Variants in LONP1 observed in about 807,000 individuals in gnomAD.
The protein encoded by LONP1 is lon protease homolog, mitochondrial.
LONP1 carries 31 observed loss-of-function variants against 98.5 expected under a neutral mutation model. The ratio of observed to expected loss-of-function variants is 0.31; its 90% CI spans 0.24 to 0.42. The LOEUF (loss-of-function observed/expected upper bound fraction) is 0.42. Among genes scored for constraint, LONP1 ranks in the 20% least tolerant of loss-of-function variants. The pLI is 1.00. For synonymous variants in LONP1, 781 were observed against 594.7 expected (o/e 1.31, Z -4.56); for missense variants, 1,336 against 1,350.6 (o/e 0.99, Z 0.17).
rs532603725 is a variant in LONP1 at position 5,712,629 on chromosome 19, T to C, written c.638+505A>G. Among the ~76,000 whole-genome samples the C allele has an allele frequency of 3.9e-5, 6 of 152,200 alleles. No individual in the cohort carries two copies. The East Asian group carries it at 9.7e-4, about 25-fold the overall frequency. On this transcript the variant is annotated intron_variant, in intron 3 of 17. Coordinates refer to ENST00000360614, the MANE Select transcript of LONP1 (RefSeq NM_004793.4). ...CTCCTGCCTCAGCCTCCCAAGTAGC[T>C]GGGACTACAGGAACACGCCGTCACA... is the stretch of plus-strand genomic sequence containing the variant.
chr19:5,699,339 G>A (rs1599455573), intron 9 of LONP1, 134 bp from the exon 10 acceptor site: 2 of 593,094 alleles, frequency 3.4e-6, no homozygotes, highest in Non-Finnish European at 5.2e-6. Flanking sequence ...CCGGGAGGCT[G>A]AGCACATCAG....
rs199803800 is a variant in LONP1 at position 5,713,158 on chromosome 19, C to A, written c.614G>T (p.Arg205Leu). 1.9e-6 allele frequency: 3 copies of A among 1,614,058 alleles called. No individual in the cohort carries two copies. Among genetic ancestry groups the A allele is most frequent in the Non-Finnish European group, 2.5e-6 (3 of 1,180,032 alleles). The stretch of plus-strand genomic sequence containing the variant: ...CCTTCTGTGTCCCATGACGATCATG[C>A]GCAGCTTGTCCCCAAGGTCCTGCAT... ...HEMQDLGDKL[R>L]MIVMGHRRVH... Residue 205 changes from arginine (R) to leucine (L), a missense_variant, in exon 3 of 18, where the codon CGC becomes CTC. Physicochemically the swap from Arg to Leu is moderately radical, Grantham distance 102 (BLOSUM62 -2). Around this residue, in one of 5 missense-constraint regions of LONP1, gnomAD observed 457 missense variants for 403.1 expected, o/e 1.13. Transcript: ENST00000360614.
At chr19:5,709,310 G>A (rs1468871165) in intron 4 of LONP1, among the ~76,000 whole-genome samples, 1 of 149,048 alleles carries the variant, frequency 6.7e-6, no homozygotes. Context: ...CCAACACGGT[G>A]AAACCCCATC....
rs1323161236 is a variant in LONP1, at chr19:5,699,032, G to A, written c.1680C>T (p.Gly560=). ...GGMTDVAEIK[G]HRRTYVGAMP... ...AGCTGTCAGGCCAGGCCTACCTGTG[G>A]CCCTTGATCTCAGCCACGTCAGTCA... Residue 560 remains glycine, a synonymous_variant, in exon 10 of 18, where the codon GGC becomes GGT. Transcript: ENST00000360614. 4 of 1,606,356 alleles carry A rather than the reference G, an allele frequency of 2.5e-6. No individual in the cohort carries two copies. The highest frequency in any genetic ancestry group is 3.4e-5 in the Admixed American group (2 of 59,544).
intron 11 of LONP1, 143 bp from the exon 12 acceptor site, chr19:5,696,514 T>G (rs919156530): frequency 9.1e-6 from 12 of 1,315,574 alleles, no homozygotes; most frequent in Non-Finnish European, 1.3e-5. Context: ...CTGCTGGGCG[T>G]GGCTGTGGGT....
chr19:5,694,265 C>A (rs2054883651), intron 15 of LONP1, 122 bp downstream of exon 15: 3 of 1,327,574 alleles, frequency 2.3e-6, no homozygotes, highest in Admixed American at 4.4e-5. Flanking sequence ...AGCACACCAC[C>A]CCCCGCCAGA....
At position 5,693,357 on chromosome 19, in the gene LONP1, C is replaced by T; in HGVS notation, c.2644G>A (p.Glu882Lys). The T allele has an allele frequency of 1.2e-6, 2 of 1,613,446 alleles. No individual in the cohort carries two copies. The highest frequency in any genetic ancestry group is 1.7e-6 in the Non-Finnish European group (2 of 1,179,870). The change falls in exon 17 of 18, where the codon GAA (glutamate) becomes AAA (lysine). Residue 882 changes from glutamate (E) to lysine (K), a missense_variant. Glu to Lys is a moderately conservative substitution (Grantham distance 56, BLOSUM62 1). Around this residue, in one of 5 missense-constraint regions of LONP1, gnomAD observed 555 missense variants for 542.6 expected, o/e 1.02. Transcript: ENST00000360614. Reference sequence around the variant, plus strand: ...AGGATCTTGCCCGTGAGGGAGACTTCGCCAGTCATGGCCAGATTCTGCCGG... The same window carrying T: ...AGGATCTTGCCCGTGAGGGAGACTTTGCCAGTCATGGCCAGATTCTGCCGG... The part of the protein sequence containing the change: ...PVRQNLAMTG[E>K]VSLTGKILPV...
chr19:5,710,065 C>G (rs559821257), intron 4 of LONP1, among the ~76,000 whole-genome samples: 2 of 151,160 alleles, frequency 1.3e-5, no homozygotes, highest in South Asian at 4.2e-4. Flanking sequence ...ACAGTGTAGC[C>G]GCTGGTGGCT....
Position 5,696,064 on chromosome 19 carries a change from G to A in LONP1, c.2003C>T (p.Ala668Val), listed in dbSNP as rs1404636696. ...AGGGGCTGGGCTTACCTCCGCAATG[G>A]CCAGCTTCTCCTGGGCCACGTAGCC... The part of the protein sequence containing the change: ...VSGYVAQEKL[A>V]IAERYLVPQA... The change falls in exon 13 of 18, where the codon GCC becomes GTC. Residue 668 changes from alanine (A) to valine (V), a missense_variant. Physicochemically the swap from Ala to Val is moderately conservative, Grantham distance 64. Around this residue, in one of 5 missense-constraint regions of LONP1, gnomAD observed 555 missense variants for 542.6 expected, o/e 1.02. Transcript: ENST00000360614. 3 of 1,612,240 alleles carry A rather than the reference G, an allele frequency of 1.9e-6. No homozygotes were observed. The highest frequency in any genetic ancestry group is 2.5e-6 in the Non-Finnish European group (3 of 1,179,744).
chr19:5,716,264 A>ATATATATAT (rs2055319275), intron 1 of LONP1, among the ~76,000 whole-genome samples: 1 of 27,508 alleles, frequency 3.6e-5, no homozygotes, highest in African/African-American at 1.6e-4. Context: ...ATATACATAT[A>ATATATATAT]TATATATATA....
intron 1 of LONP1, chr19:5,717,450 T>G (rs1057148077): frequency 2.0e-5 from 3 of 152,174 alleles, no homozygotes; most frequent in Non-Finnish European, 4.4e-5. Context: ...GTCTCCCAAA[T>G]ACTATCTGCA....
chr19:5,695,634 C>A (rs899421249), intron 13 of LONP1, among the ~76,000 whole-genome samples: 9 of 152,214 alleles, frequency 5.9e-5, no homozygotes, highest in Admixed American at 2.0e-4. Context: ...GAAAAAAAAA[C>A]ACATGAGAAA....
chr19:5,703,172 C>T (rs551375714), intron 8 of LONP1, among the ~76,000 whole-genome samples: 300 of 140,726 alleles, frequency 2.1e-3, no homozygotes, highest in Non-Finnish European at 4.1e-3. Context: ...CAGAGTGAGA[C>T]TCCATCTCAA....
chr19:5,699,555 GTTTTTT>G (rs35759031), intron 9 of LONP1, among the ~76,000 whole-genome samples: 3 of 118,556 alleles, frequency 2.5e-5, no homozygotes, highest in Non-Finnish European at 5.2e-5. Context: ...TCTGGCTCCT[GTTTTTT>G]TTTTTTTTTT....
chr19:5,699,120 C>A lies in LONP1; in HGVS notation c.1592G>T (p.Ser531Ile). The change falls in exon 10 of 18, where the codon AGC becomes ATC. Residue 531 changes from serine (S) to isoleucine (I), a missense_variant. Physicochemically the swap from Ser to Ile is moderately radical, Grantham distance 142. Transcript: ENST00000360614. ...GGCGCGGGCGATGGAGCGAGCAATGCTGGTCTTACCCACGCCAGGGGGGCC... is the reference window on the plus strand; with the variant it reads ...GGCGCGGGCGATGGAGCGAGCAATGATGGTCTTACCCACGCCAGGGGGGCC... ...FYGPPGVGKT[S>I]IARSIARALN... The A allele has an allele frequency of 6.3e-7, 1 of 1,588,586 alleles. No homozygotes were observed.
intron 11 of LONP1, 137 bp downstream of exon 11, chr19:5,696,533 C>G (rs753484969): frequency 3.9e-6 from 5 of 1,275,218 alleles, no homozygotes; most frequent in South Asian, 2.8e-5. Flanking sequence ...GTGGGAGGGA[C>G]CCGTCCGTGC....
chr19:5,712,868 C>T (rs373620329), intron 3 of LONP1, among the ~76,000 whole-genome samples: 2 of 151,992 alleles, frequency 1.3e-5, no homozygotes, highest in African/African-American at 2.4e-5. Flanking sequence ...CGGGCTCAAG[C>T]GATCCAATTG....
Position 5,707,982 on chromosome 19 carries a change from CCA to C in LONP1, c.933-158_933-157del. On this transcript the variant is annotated intron_variant, in intron 5 of 17. Transcript: ENST00000360614. Reference sequence around the variant, plus strand: ...GGGAGCCAGCTCTGCTGCTTGTTCTCCAGAGTTCAGGGCCCACCCGTCCTGGG... The same window carrying C: ...GGGAGCCAGCTCTGCTGCTTGTTCTCGAGTTCAGGGCCCACCCGTCCTGGG... The C allele has an allele frequency of 3.5e-6, 3 of 860,392 alleles. No individual in the cohort carries two copies. The East Asian group carries it at 8.0e-5, about 23-fold the overall frequency. The allele number at this position is 860,392 out of a possible 1,614,324, so 53.3% of individuals were successfully genotyped here. A position where few individuals can be genotyped will look rare whatever the true frequency, so the allele number is the denominator to read the frequency against.
chr19:5,699,234 C>T (rs1280290490), intron 9 of LONP1, 29 bp from the exon 10 acceptor site: 13 of 1,466,458 alleles, frequency 8.9e-6, no homozygotes, highest in Middle Eastern at 1.9e-4. Flanking sequence ...TCAGTGGGCA[C>T]GTGAGCTGGG....
Sources: allele counts gnomAD v4.1 joint callset (sites outside exome capture counted in the v4.1 genomes callset), GRCh38; gene constraint gnomAD v4.1.1; regional missense constraint gnomAD v4.1.1; transcripts MANE v1.5; gene names NCBI Gene and HGNC (gene_info 2026-07-23, HGNC 2026-07-21).